The following BCAS3 variants were observed in gnomAD, a reference collection of about 807,000 sequenced individuals.
The protein encoded by BCAS3 is BCAS4/BCAS3 fusion.
Under a neutral mutation model 116.1 loss-of-function variants are expected in BCAS3, and 53 were observed. The observed-to-expected ratio is 0.46, with a 90% CI of 0.37 to 0.57. The LOEUF (loss-of-function observed/expected upper bound fraction) is 0.57. Among genes scored for constraint, BCAS3 ranks in the 20% least tolerant of loss-of-function variants. BCAS3 has a pLI of 0.00. For synonymous variants in BCAS3, 391 were observed against 408.2 expected, an observed-to-expected ratio of 0.96 and a Z score of 0.51; for missense variants, 917 against 1,165.4, an observed-to-expected ratio of 0.79 and a Z score of 3.10.
chr17:61,299,980 C>T (rs1195365910), intron 22 of BCAS3, among the ~76,000 whole-genome samples: 1 of 152,168 alleles, frequency 6.6e-6, no homozygotes, highest in Non-Finnish European at 1.5e-5. Flanking sequence ...GAAAAATGGA[C>T]AACTTATAAT....
At chr17:60,925,069 T>A (rs2059298748) in intron 13 of BCAS3, among the ~76,000 whole-genome samples, 1 of 152,066 alleles carries the variant, frequency 6.6e-6, no homozygotes, top group Admixed American at 6.5e-5. Context: ...GTAAGATTTT[T>A]AAATTTTTAT....
intron 22 of BCAS3, among the ~76,000 whole-genome samples, chr17:61,341,362 G>A (rs2057138216): frequency 6.6e-6 from 1 of 152,200 alleles, no homozygotes; most frequent in Non-Finnish European, 1.5e-5. Context: ...GTCCTCAGAG[G>A]AGAGCCTGGT....
Position 61,233,653 on chromosome 17 carries a change from A to C in BCAS3, c.2426-134674A>C, listed in dbSNP as rs1341900421. Among the ~76,000 whole-genome samples the C allele has an allele frequency of 6.6e-6, 1 of 152,194 alleles. No individual in the cohort carries two copies. The highest frequency in any genetic ancestry group is 2.4e-5 in the African/African-American group (1 of 41,460). On this transcript the variant is annotated intron_variant, in intron 22 of 23. Transcript: ENST00000407086. The surrounding 1 kb of genome is among the most constrained non-coding windows in gnomAD (Gnocchi z 4.3). ...CACTGAGGGACCTTGGATAAGTCACAATCTTCCTGTCTCATGTTTCTTTTA... is the reference window on the plus strand; with the variant it reads ...CACTGAGGGACCTTGGATAAGTCACCATCTTCCTGTCTCATGTTTCTTTTA...
chr17:61,133,859 CAA>C (rs11449964), intron 22 of BCAS3, among the ~76,000 whole-genome samples: 2 of 81,922 alleles, frequency 2.4e-5, no homozygotes, highest in African/African-American at 4.6e-5. Context: ...CCTGGAATCT[CAA>C]AAAAAAAAAA....
chr17:61,331,587 G>A (rs193014072), intron 22 of BCAS3, among the ~76,000 whole-genome samples: 96 of 152,190 alleles, frequency 6.3e-4, no homozygotes, highest in African/African-American at 2.2e-3. Flanking sequence ...GAGCATAGGA[G>A]TTCAAGACCC....
chr17:60,813,215 A>G (rs2049000818), intron 7 of BCAS3, among the ~76,000 whole-genome samples: 1 of 152,078 alleles, frequency 6.6e-6, no homozygotes. Flanking sequence ...TTCCGTCTAT[A>G]GACTGTATTA....
At chr17:60,694,676 G>T (rs2143889672) in intron 4 of BCAS3, among the ~76,000 whole-genome samples, 1 of 151,168 alleles carries the variant, frequency 6.6e-6, no homozygotes, top group Admixed American at 6.6e-5. Context: ...TAGAGATGAG[G>T]TGTTGCTGTG....
chr17:60,727,722 T>C (rs2040034738), intron 5 of BCAS3, among the ~76,000 whole-genome samples: 1 of 151,934 alleles, frequency 6.6e-6, no homozygotes, highest in Non-Finnish European at 1.5e-5. Context: ...GTAAAATTGT[T>C]ACAATCCATG....
chr17:61,297,904 T>C (rs2053079257), intron 22 of BCAS3, among the ~76,000 whole-genome samples: 1 of 152,182 alleles, frequency 6.6e-6, no homozygotes, highest in African/African-American at 2.4e-5. Context: ...AAAGACTGTT[T>C]CCAATAGTAT....
chr17:61,176,444 C>A (rs2079152439), intron 22 of BCAS3, among the ~76,000 whole-genome samples: 1 of 150,866 alleles, frequency 6.6e-6, no homozygotes, highest in Non-Finnish European at 1.5e-5. Flanking sequence ...AAAAAATGAA[C>A]CCAACCCTCA....
intron 5 of BCAS3, among the ~76,000 whole-genome samples, chr17:60,740,325 CT>C (rs1240312827): frequency 6.6e-6 from 1 of 151,584 alleles, no homozygotes; most frequent in Non-Finnish European, 1.5e-5. Flanking sequence ...GAAACCTCAT[CT>C]CTACAAAAAC....
At chr17:60,756,525 A>T (rs2043004512) in intron 6 of BCAS3, among the ~76,000 whole-genome samples, 1 of 152,188 alleles carries the variant, frequency 6.6e-6, no homozygotes. Context: ...AACATGTGAC[A>T]TCTGAATTTC....
In BCAS3 at chr17:61,087,823, A is replaced by G. The variant is rs909983593; in HGVS notation, c.2425+3259A>G. On this transcript the variant is annotated intron_variant, in intron 22 of 23. Transcript: ENST00000407086. The surrounding 1 kb of genome is among the most constrained non-coding windows in gnomAD (Gnocchi z 4.6). The stretch of plus-strand genomic sequence containing the variant: ...AGTATTTTTGATTTTCAGCAGTTCT[A>G]TAACTGCTTGATGAGTAGATGTTAT... Among the ~76,000 whole-genome samples the G allele has an allele frequency of 1.3e-5, 2 of 152,164 alleles. No individual in the cohort carries two copies. The highest frequency in any genetic ancestry group is 2.9e-5 in the Non-Finnish European group (2 of 68,022).
chr17:61,149,385 A>G (rs1251736610), intron 22 of BCAS3, among the ~76,000 whole-genome samples: 1 of 152,114 alleles, frequency 6.6e-6, no homozygotes, highest in Admixed American at 6.5e-5. Context: ...TCAGTTATAT[A>G]TTTTGATCTT....
chr17:61,061,345 A>T (rs1403654000), intron 19 of BCAS3, among the ~76,000 whole-genome samples: 1 of 152,236 alleles, frequency 6.6e-6, no homozygotes, highest in Non-Finnish European at 1.5e-5. Flanking sequence ...CTTTGCAAAA[A>T]AAAATTATTT....
chr17:60,774,932 C>T (rs2045122405), intron 6 of BCAS3, among the ~76,000 whole-genome samples: 2 of 152,152 alleles, frequency 1.3e-5, no homozygotes, highest in Non-Finnish European at 2.9e-5. Flanking sequence ...CTTAAGTTTT[C>T]CTGGCAGGAG....
At chr17:60,747,302 G>T (rs1431288873) in intron 6 of BCAS3, 23 bp downstream of exon 6, 2 of 1,556,242 alleles carry the variant, frequency 1.3e-6, no homozygotes, top group Non-Finnish European at 8.8e-7. Context: ...CTTAAGAAAA[G>T]AATCTTTCAG....
intron 15 of BCAS3, 91 bp from the exon 16 acceptor site, chr17:61,015,657 GATT>G: frequency 7.9e-7 from 1 of 1,259,188 alleles, no homozygotes; most frequent in South Asian, 1.3e-5. Context: ...TTTCTTAAAT[GATT>G]ACTGGAGTCA....
chr17:60,941,392 A>G (rs72843594), intron 13 of BCAS3, among the ~76,000 whole-genome samples: 222 of 152,182 alleles, frequency 1.5e-3, no homozygotes, highest in Non-Finnish European at 2.3e-3. Context: ...TTTTCCTTTT[A>G]TGTATATGTG....
Sources: allele counts gnomAD v4.1 joint callset (sites outside exome capture counted in the v4.1 genomes callset), GRCh38; gene constraint gnomAD v4.1.1; non-coding constraint Gnocchi (gnomAD v3.1); transcripts MANE v1.5; gene names NCBI Gene and HGNC (gene_info 2026-07-23, HGNC 2026-07-21).